Variants in NCAM2 observed in about 807,000 individuals in gnomAD.
NCAM2 encodes the protein N-CAM-2.
Under a neutral mutation model 98.1 loss-of-function variants are expected in NCAM2, and 30 were observed. The ratio of observed to expected loss-of-function variants is 0.31; its 90% confidence interval spans 0.23 to 0.41. NCAM2 has a LOEUF of 0.41. NCAM2 is among the 10% of genes least tolerant of loss of function. The probability of loss-of-function intolerance (pLI) is 1.00; values close to 1 mark genes in which losing one functional copy is unlikely to be tolerated. For missense variants in NCAM2, 867 were observed against 1,005.8 expected, an observed-to-expected ratio of 0.86 and a Z score of 1.87; for synonymous variants, 368 against 342.4, an observed-to-expected ratio of 1.07 and a Z score of -0.83.
At chr21:21,333,211 T>G (rs1447520537) in intron 6 of NCAM2, among the ~76,000 whole-genome samples, 1 of 152,178 alleles carries the variant, frequency 6.6e-6, no homozygotes, top group Non-Finnish European at 1.5e-5. Flanking sequence ...GCATTGGTAA[T>G]ATTCCCTTAT....
chr21:21,484,392 AC>A (rs1362836163), intron 15 of NCAM2, among the ~76,000 whole-genome samples: 11 of 152,048 alleles, frequency 7.2e-5, no homozygotes, highest in African/African-American at 2.7e-4. Flanking sequence ...TTGTAACTCT[AC>A]CCTTTATTTT....
At chr21:21,502,540 A>G (rs754726897) in intron 15 of NCAM2, among the ~76,000 whole-genome samples, 3 of 151,946 alleles carry the variant, frequency 2.0e-5, no homozygotes, top group Non-Finnish European at 4.4e-5. Flanking sequence ...GTTTTTCCTC[A>G]TATACATGTA....
chr21:21,439,842 G>A (rs1978978092), intron 12 of NCAM2, among the ~76,000 whole-genome samples: 1 of 152,142 alleles, frequency 6.6e-6, no homozygotes, highest in African/African-American at 2.4e-5. Context: ...TAAGCAGCTG[G>A]GGATGTACAA....
chr21:21,477,482 C>G lies in NCAM2; in HGVS notation c.2077+11C>G, dbSNP rs1230609871. 6.4e-7 allele frequency: 1 copy of G among 1,567,314 alleles called. No individual in the cohort carries two copies. Among genetic ancestry groups the G allele is most frequent in the Non-Finnish European group, 8.7e-7 (1 of 1,151,008 alleles). On this transcript the variant is annotated intron_variant, in intron 15 of 17. Coordinates refer to ENST00000400546, the MANE Select transcript of NCAM2 (RefSeq NM_004540.5). Reference sequence around the variant, plus strand: ...CCAACATTATTAAAGGTAAGCAAAACTATATTCTTTTTTAGACTGAACAAT... The same window carrying G: ...CCAACATTATTAAAGGTAAGCAAAAGTATATTCTTTTTTAGACTGAACAAT...
At chr21:21,289,839 A>C (rs1159275031) in intron 4 of NCAM2, among the ~76,000 whole-genome samples, 1 of 151,992 alleles carries the variant, frequency 6.6e-6, no homozygotes, top group Non-Finnish European at 1.5e-5. Context: ...GTTGAGAAGA[A>C]TATTTGTATG....
At chr21:21,163,967 A>C (rs1436385005) in intron 1 of NCAM2, among the ~76,000 whole-genome samples, 1 of 152,174 alleles carries the variant, frequency 6.6e-6, no homozygotes, top group Non-Finnish European at 1.5e-5. Context: ...TGTCTGGATT[A>C]GACCAATGCA....
chr21:21,490,741 TTC>T (rs1986781406), intron 15 of NCAM2, among the ~76,000 whole-genome samples: 1 of 151,832 alleles, frequency 6.6e-6, no homozygotes, highest in Non-Finnish European at 1.5e-5. Flanking sequence ...TGTATAACGC[TTC>T]TGTTTTAAAG....
chr21:21,123,848 C>CTTTTTTTTTTT lies in NCAM2; in HGVS notation c.55+125237_55+125247dup, dbSNP rs71193401. On this transcript the variant is annotated intron_variant, in intron 1 of 17. Coordinates refer to ENST00000400546, the MANE Select transcript of NCAM2 (RefSeq NM_004540.5). ...GCACATTTGAATTCATTCTTGATTG[C>CTTTTTTTTTTT]TTTTTTTTTTTTTTTTTGAGACGGA... Among the ~76,000 whole-genome samples the CTTTTTTTTTTT allele has an allele frequency of 2.5e-3, 214 of 86,656 alleles. 38 individuals are homozygous for CTTTTTTTTTTT. Among genetic ancestry groups the CTTTTTTTTTTT allele is most frequent in the South Asian group, 4.3e-3 (9 of 2,096 alleles). 56.8% of individuals were successfully genotyped at this position (86,656 alleles called of 152,430 possible).
chr21:21,245,763 C>A (rs2071245251), intron 1 of NCAM2, among the ~76,000 whole-genome samples: 1 of 152,002 alleles, frequency 6.6e-6, no homozygotes, highest in South Asian at 2.1e-4. Context: ...TTTCTTTCTT[C>A]CCTGAGGGAG....
rs116759479 is a variant in NCAM2 at position 21,109,325 on chromosome 21, T to C, written c.55+110707T>C. ...ATTGCATTGTTTTATATGCACATCT[T>C]ATATATTTTAAATATAAAAGGTAGC... On this transcript the variant is annotated intron_variant, in intron 1 of 17. Transcript: ENST00000400546. Among the ~76,000 whole-genome samples the C allele has an allele frequency of 2.9e-3, 439 of 152,214 alleles. 5 individuals carry two copies. Among genetic ancestry groups the C allele is most frequent in the African/African-American group, 1.0e-2 (415 of 41,518 alleles).
chr21:21,365,914 G>A (rs2075774059), intron 8 of NCAM2, among the ~76,000 whole-genome samples: 1 of 152,024 alleles, frequency 6.6e-6, no homozygotes, highest in African/African-American at 2.4e-5. Flanking sequence ...CCAGTAGTGG[G>A]ATTGCTGTCT....
intron 1 of NCAM2, among the ~76,000 whole-genome samples, chr21:21,122,208 A>G (rs1415394246): frequency 6.6e-6 from 1 of 152,234 alleles, no homozygotes; most frequent in Admixed American, 6.5e-5. Context: ...GCATAATTTG[A>G]TAACTTAATA....
chr21:21,431,046 CAAAAAAA>C (rs34613152), intron 11 of NCAM2, among the ~76,000 whole-genome samples: 892 of 64,094 alleles, frequency 0.014, 37 homozygotes, highest in Admixed American at 0.11. Context: ...AACTCCGTCT[CAAAAAAA>C]AAAAAAAAAA....
At chr21:21,417,723 T>A (rs13051362) in intron 10 of NCAM2, among the ~76,000 whole-genome samples, 43,407 of 151,880 alleles carry the variant, frequency 0.29, 6,335 homozygotes, top group East Asian at 0.46. Flanking sequence ...TTTCAAATGT[T>A]TAAGGATAGA....
chr21:21,051,995 G>C lies in NCAM2; in HGVS notation c.55+53377G>C, dbSNP rs546247643. Reference sequence around the variant, plus strand: ...ATTCAACTTTCATTTTAGAGTCAGAGTATATATGCAGGATTTTTTTTAACA... The same window carrying C: ...ATTCAACTTTCATTTTAGAGTCAGACTATATATGCAGGATTTTTTTTAACA... On this transcript the variant is annotated intron_variant, in intron 1 of 17. Coordinates refer to ENST00000400546, the MANE Select transcript of NCAM2 (RefSeq NM_004540.5). Among the ~76,000 whole-genome samples the C allele has an allele frequency of 1.1e-4, 16 of 152,210 alleles. No homozygotes were observed. In the East Asian group the frequency reaches 3.1e-3, roughly 29 times the overall value.
chr21:21,237,949 C>CTTTTTTTTTTTTTTTTTTTTTT (rs71195313), intron 1 of NCAM2, among the ~76,000 whole-genome samples: 1 of 114,488 alleles, frequency 8.7e-6, no homozygotes, highest in African/African-American at 3.5e-5. Flanking sequence ...CATTGTAATT[C>CTTTTTTTTTTTTTTTTTTTTTT]TTTTTTTTTT....
At chr21:21,411,050 G>GTATATATATATACATATATA in intron 10 of NCAM2, among the ~76,000 whole-genome samples, 1 of 30,212 alleles carries the variant, frequency 3.3e-5, no homozygotes, top group African/African-American at 1.8e-4. Flanking sequence ...ATATATATGT[G>GTATATATATATACATATATA]TGTGTATATA....
At chr21:21,105,185 C>G (rs1175060567) in intron 1 of NCAM2, among the ~76,000 whole-genome samples, 1 of 151,806 alleles carries the variant, frequency 6.6e-6, no homozygotes, top group Non-Finnish European at 1.5e-5. Context: ...ATAATGAACA[C>G]AAAACAGAGA....
At chr21:21,440,923 A>ATTTTTAGG (rs1427411740) in intron 12 of NCAM2, among the ~76,000 whole-genome samples, 1 of 152,158 alleles carries the variant, frequency 6.6e-6, no homozygotes, top group Non-Finnish European at 1.5e-5. Flanking sequence ...TTAGGTAGAA[A>ATTTTTAGG]TATAAGTCAA....
Sources: gnomAD v4.1 joint callset for allele counts (sites outside exome capture counted in the v4.1 genomes callset) on GRCh38, gnomAD v4.1.1 for gene constraint, MANE v1.5 for transcripts, NCBI Gene and HGNC (gene_info 2026-07-23, HGNC 2026-07-21) for gene names.